The following HDAC4 variants were observed in gnomAD, a reference collection of about 807,000 sequenced individuals.
HDAC4 encodes histone deacetylase A.
Under a neutral mutation model 135.1 loss-of-function variants are expected in HDAC4, and 16 were observed. The observed-to-expected ratio is 0.12, with a 90% CI of 0.08 to 0.18. The LOEUF is 0.18. HDAC4 is among the 10% of genes least tolerant of loss of function. HDAC4 has a pLI of 1.00. For missense variants in HDAC4, 1,143 were observed against 1,511.8 expected, an observed-to-expected ratio of 0.76 and a Z score of 4.05; for synonymous variants, 685 against 653.4, an observed-to-expected ratio of 1.05 and a Z score of -0.74.
At chr2:239,198,216 C>A (rs910389627) in intron 3 of HDAC4, among the ~76,000 whole-genome samples, 7 of 150,940 alleles carry the variant, frequency 4.6e-5, no homozygotes, top group African/African-American at 1.7e-4. Context: ...CCCTCAGGTG[C>A]CTGGTTGCCC....
At chr2:239,058,666 GA>G (rs1559348815) in intron 24 of HDAC4, among the ~76,000 whole-genome samples, 1 of 152,214 alleles carries the variant, frequency 6.6e-6, no homozygotes, top group Non-Finnish European at 1.5e-5. Flanking sequence ...AATTCATCAC[GA>G]AAGGGCATAA....
chr2:239,260,398 G>C (rs76756272), intron 2 of HDAC4, among the ~76,000 whole-genome samples: 18,339 of 152,204 alleles, frequency 0.12, 1,558 homozygotes, highest in East Asian at 0.38. Context: ...TGGATCTCAG[G>C]GTGCTGATAC....
At chr2:239,129,867 T>C (rs1212328448) in intron 11 of HDAC4, among the ~76,000 whole-genome samples, 1 of 152,312 alleles carries the variant, frequency 6.6e-6, no homozygotes, top group South Asian at 2.1e-4. Context: ...TTAGTGAGTG[T>C]GCAAATGCAT....
At chr2:239,062,871 GGGCGTGTCCT>G (rs1438643496) in intron 24 of HDAC4, among the ~76,000 whole-genome samples, 1 of 152,204 alleles carries the variant, frequency 6.6e-6, no homozygotes, top group East Asian at 1.9e-4. Context: ...CCAGAAGGCA[GGGCGTGTCCT>G]GGTACCTGCA....
chr2:239,228,293 C>T (rs1311404313), intron 3 of HDAC4, among the ~76,000 whole-genome samples: 1 of 152,190 alleles, frequency 6.6e-6, no homozygotes, highest in Non-Finnish European at 1.5e-5. Context: ...CTGTGCTGCC[C>T]CCATGTCTGC....
Position 239,139,753 on chromosome 2 carries a change from G to A in HDAC4, c.909C>T (p.Pro303=). ...CGCTGACGCTCCCGGAGCTGTTGTT[G>A]GGTGAGCTGGGTCCGGAGCCTGGGG... ...SSAPGSGPSS[P]NNSSGSVSAE... is the part of the protein sequence containing the mutation. The change falls in exon 9 of 27, where the codon CCC becomes CCT. Residue 303 remains proline, a synonymous_variant. Transcript: ENST00000543185. This position sits in a 1 kb window ranked among gnomAD's most constrained non-coding sequence, Gnocchi z 5.3. 1 of 1,614,120 alleles carries A rather than the reference G, an allele frequency of 6.2e-7. No homozygotes were observed. The highest frequency in any genetic ancestry group is 8.5e-7 in the Non-Finnish European group (1 of 1,180,002).
chr2:239,364,386 T>A (rs151137187), intron 1 of HDAC4, among the ~76,000 whole-genome samples: 23 of 152,274 alleles, frequency 1.5e-4, no homozygotes, highest in African/African-American at 5.3e-4. Flanking sequence ...GTGACACAGA[T>A]AAATCACAGA....
At chr2:239,370,017 G>A (rs1694495919) in intron 1 of HDAC4, among the ~76,000 whole-genome samples, 2 of 152,202 alleles carry the variant, frequency 1.3e-5, no homozygotes, top group Non-Finnish European at 2.9e-5. Context: ...TGATTGCAGC[G>A]TGGCTGGCGA....
chr2:239,189,774 C>T lies in HDAC4; in HGVS notation c.339+59G>A, dbSNP rs1334099221. On this transcript the variant is annotated intron_variant, in intron 4 of 26. Transcript: ENST00000543185. ...CACTCCGCGGAGGCAGGGCTGGAGT[C>T]ACCGGGAGTTGAGGGTGCCGGAGGC... 6 of 1,525,096 alleles carry T rather than the reference C, an allele frequency of 3.9e-6. No individual in the cohort carries two copies. In the African/African-American group the frequency reaches 6.8e-5, roughly 17 times the overall value. 94.5% of individuals were successfully genotyped at this position (1,525,096 alleles called of 1,614,324 possible).
rs377612786 is a variant in HDAC4 at position 239,181,740 on chromosome 2, A to G, written c.340-5177T>C. On this transcript the variant is annotated intron_variant, in intron 4 of 26. Transcript: ENST00000543185. ...TTGCTGCCAGCGCACTTGCACCTAA[A>G]TATTTAACCTCTCCGTGCTGGGTTA... 1.4e-4 allele frequency among the ~76,000 whole-genome samples: 21 copies of G among 152,268 alleles called. No individual in the cohort carries two copies. In the East Asian group the frequency reaches 3.9e-3, roughly 28 times the overall value.
chr2:239,099,005 C>T (rs549939557), intron 16 of HDAC4, among the ~76,000 whole-genome samples: 1 of 152,318 alleles, frequency 6.6e-6, no homozygotes, highest in Admixed American at 6.5e-5. Flanking sequence ...TGGTTGCCTT[C>T]GGAGAACAGG....
intron 2 of HDAC4, among the ~76,000 whole-genome samples, chr2:239,259,746 T>A (rs747080653): frequency 6.6e-6 from 1 of 152,180 alleles, no homozygotes; most frequent in African/African-American, 2.4e-5. Flanking sequence ...AAAAGACTAA[T>A]GAAGAGGAAA....
chr2:239,066,933 C>A, intron 23 of HDAC4, 78 bp from the exon 24 acceptor site: 1 of 1,545,668 alleles, frequency 6.5e-7, no homozygotes, highest in East Asian at 2.4e-5. Context: ...CGTCTCATGG[C>A]ATCGTAAGAA....
At chr2:239,147,807 C>G (rs2100171) in intron 7 of HDAC4, among the ~76,000 whole-genome samples, 1 of 152,230 alleles carries the variant, frequency 6.6e-6, no homozygotes, top group Admixed American at 6.5e-5. Flanking sequence ...CTAATTAAGG[C>G]GATACAACAT....
At chr2:239,384,497 G>C (rs543771687) in intron 1 of HDAC4, among the ~76,000 whole-genome samples, 1 of 149,442 alleles carries the variant, frequency 6.7e-6, no homozygotes, top group Admixed American at 6.6e-5. Context: ...CACGCCTGTA[G>C]TCCCAGCTAC....
Position 239,307,178 on chromosome 2 carries a change from G to A in HDAC4, c.22+45500C>T, listed in dbSNP as rs2052640984. On this transcript the variant is annotated intron_variant, in intron 2 of 26. Coordinates refer to ENST00000543185, the MANE Select transcript of HDAC4 (RefSeq NM_001378414.1). The surrounding 1 kb of genome is among the most constrained non-coding windows in gnomAD (Gnocchi z 4.8). ...GGGGTCTGGAAACCCTGACAGGGAGGGAGAAGAGAGCCCTGGGCACAAAGC... is the reference window on the plus strand; with the variant it reads ...GGGGTCTGGAAACCCTGACAGGGAGAGAGAAGAGAGCCCTGGGCACAAAGC... 6.6e-6 allele frequency among the ~76,000 whole-genome samples: 1 copy of A among 152,162 alleles called. No individual in the cohort carries two copies. The highest frequency in any genetic ancestry group is 2.4e-5 in the African/African-American group (1 of 41,448).
chr2:239,324,314 C>A lies in HDAC4; in HGVS notation c.22+28364G>T, dbSNP rs563474273. Among the ~76,000 whole-genome samples, 3 of 152,304 alleles carry A rather than the reference C, an allele frequency of 2.0e-5. No homozygotes were observed. In the East Asian group the frequency reaches 5.8e-4, roughly 29 times the overall value. ...CCAATCCTGCCACAACTCACCAGTG[C>A]GAACTTAACATGGAGAAAGAGGTCC... On this transcript the variant is annotated intron_variant, in intron 2 of 26. Transcript: ENST00000543185.
intron 2 of HDAC4, among the ~76,000 whole-genome samples, chr2:239,241,943 T>C (rs2048195566): frequency 6.6e-6 from 1 of 152,110 alleles, no homozygotes; most frequent in African/African-American, 2.4e-5. Flanking sequence ...CTCTTAATAT[T>C]GGCAAGGCAA....
At chr2:239,105,095 G>A (rs539333973) in intron 15 of HDAC4, among the ~76,000 whole-genome samples, 45 of 152,226 alleles carry the variant, frequency 3.0e-4, no homozygotes, top group Non-Finnish European at 5.3e-4. Flanking sequence ...CTCTGGGAGC[G>A]GTGGTGATGG....
Sources: allele counts gnomAD v4.1 joint callset (sites outside exome capture counted in the v4.1 genomes callset), GRCh38; gene constraint gnomAD v4.1.1; non-coding constraint Gnocchi (gnomAD v3.1); transcripts MANE v1.5; gene names NCBI Gene and HGNC (gene_info 2026-07-23, HGNC 2026-07-21).